DHRSX: variants seen among roughly 807,000 people sequenced by gnomAD.
The protein encoded by DHRSX is dehydrogenase/reductase X-linked.
In DHRSX, 31 loss-of-function variants were observed where a neutral mutation model predicts 34.0. The ratio of observed to expected loss-of-function variants is 0.91; its 90% CI spans 0.69 to 1.23. The LOEUF is 1.23. Among genes scored for constraint, DHRSX ranks in the 50% most tolerant of loss-of-function variants. The pLI, the probability that DHRSX is intolerant of heterozygous loss-of-function variation, is 0.00. For missense variants in DHRSX, 414 were observed against 428.1 expected (o/e 0.97, Z 0.29); for synonymous variants, 201 against 183.8 (o/e 1.09, Z -0.76).
intron 3 of DHRSX, among the ~76,000 whole-genome samples, chrX:2,321,701 TTC>T (rs1469719298): frequency 6.6e-6 from 1 of 151,866 alleles, no homozygotes; most frequent in Non-Finnish European, 1.5e-5. Context: ...AGAAATAAAT[TTC>T]TGTTATTTAT....
chrX:2,257,706 A>C (rs1253004940), intron 5 of DHRSX, among the ~76,000 whole-genome samples: 1 of 151,764 alleles, frequency 6.6e-6, no homozygotes, highest in Non-Finnish European at 1.5e-5. Flanking sequence ...GCTCACTGCA[A>C]CCTCCGCCTC....
chrX:2,331,437 T>TTTTTTG (rs2042472951), intron 3 of DHRSX, among the ~76,000 whole-genome samples: 1 of 33,618 alleles, frequency 3.0e-5, no homozygotes, highest in Non-Finnish European at 6.4e-5. Flanking sequence ...GGTTTTTTGG[T>TTTTTTG]TTTTTTTTTT....
In DHRSX at chrX:2,392,768, A is replaced by AAATG. The variant is rs55898098; in HGVS notation, c.286+15976_286+15977insCATT. Among the ~76,000 whole-genome samples, 331 of 140,294 alleles carry AAATG rather than the reference A, an allele frequency of 2.4e-3. 6 individuals are homozygous for AAATG. In the East Asian group the frequency reaches 0.054, roughly 23 times the overall value. The allele number at this position is 140,294 out of a possible 152,430, so 92.0% of individuals were successfully genotyped here. A position where few individuals can be genotyped will look rare whatever the true frequency, so the allele number is the denominator to read the frequency against. ...TGATATAAAAATATATACTAAATATATATACTATTTATAGAATAGCATAAA... is the reference window on the plus strand; with the variant it reads ...TGATATAAAAATATATACTAAATATAAATGTATACTATTTATAGAATAGCATAAA... On this transcript the variant is annotated intron_variant, in intron 3 of 6. Coordinates refer to ENST00000334651, the MANE Select transcript of DHRSX (RefSeq NM_145177.3).
Position 2,496,144 on chromosome X carries a change from G to GT in DHRSX, c.109+4672dup, listed in dbSNP as rs745519832. Among the ~76,000 whole-genome samples, 21 of 152,318 alleles carry GT rather than the reference G, an allele frequency of 1.4e-4. 1 individual carries two copies. The highest frequency in any genetic ancestry group is 7.8e-4 in the Admixed American group (12 of 15,302). On this transcript the variant is annotated intron_variant, in intron 1 of 6. Coordinates refer to ENST00000334651, the MANE Select transcript of DHRSX (RefSeq NM_145177.3). The stretch of plus-strand genomic sequence containing the variant: ...CAGCGTGGTGGCGATAGTTAATAGT[G>GT]TATTACATATTTCAAAATAGCTAAA...
chrX:2,346,226 C>T (rs779033002), intron 3 of DHRSX, among the ~76,000 whole-genome samples: 18 of 128,624 alleles, frequency 1.4e-4, no homozygotes, highest in Admixed American at 8.1e-4. Context: ...CATCTGGACA[C>T]GCAGCTACAG....
chrX:2,285,177 T>C (rs962770505), intron 4 of DHRSX, among the ~76,000 whole-genome samples: 5 of 152,182 alleles, frequency 3.3e-5, no homozygotes, highest in African/African-American at 9.7e-5. Context: ...ATGACATTTA[T>C]TGTACACTTT....
intron 1 of DHRSX, among the ~76,000 whole-genome samples, chrX:2,496,889 T>C (rs1014032047): frequency 4.0e-5 from 6 of 148,920 alleles, no homozygotes; most frequent in African/African-American, 1.5e-4. Context: ...AATATATATA[T>C]TTAATAAAAA....
intron 1 of DHRSX, chrX:2,489,682 C>T (rs1378939062): frequency 1.2e-6 from 2 of 1,612,698 alleles, no homozygotes; most frequent in Non-Finnish European, 1.7e-6. Flanking sequence ...GGTTGCTCAC[C>T]AGCATGCAGT....
chrX:2,324,250 G>T (rs2042349041), intron 3 of DHRSX, among the ~76,000 whole-genome samples: 1 of 152,088 alleles, frequency 6.6e-6, no homozygotes, highest in Non-Finnish European at 1.5e-5. Context: ...ACGCATGCAT[G>T]TGGAATCCAA....
intron 3 of DHRSX, 89 bp downstream of exon 3, chrX:2,408,656 G>A (rs1355760729): frequency 4.2e-6 from 5 of 1,176,880 alleles, no homozygotes; most frequent in Admixed American, 2.4e-5. Context: ...CACCTGGCAC[G>A]TGACTGAAGC....
intron 3 of DHRSX, among the ~76,000 whole-genome samples, chrX:2,368,253 A>AG (rs1327262723): frequency 6.6e-6 from 1 of 151,772 alleles, no homozygotes; most frequent in Non-Finnish European, 1.5e-5. Context: ...AAAAAAAAAA[A>AG]AAAGAAAAAA....
Position 2,269,693 on chromosome X carries a change from C to A in DHRSX, c.389-2746G>T, listed in dbSNP as rs771992066. Among the ~76,000 whole-genome samples the A allele has an allele frequency of 1.6e-3, 247 of 152,264 alleles. 2 individuals are homozygous for A. The highest frequency in any genetic ancestry group is 5.5e-3 in the African/African-American group (230 of 41,554). ...CTGGGATTACAGGCACCCACCACCA[C>A]ACGTGGCTAAATTTTTCTGTATTTT... On this transcript the variant is annotated intron_variant, in intron 4 of 6. Coordinates refer to ENST00000334651, the MANE Select transcript of DHRSX (RefSeq NM_145177.3).
intron 1 of DHRSX, among the ~76,000 whole-genome samples, chrX:2,470,456 C>G (rs985565936): frequency 1.3e-5 from 2 of 151,774 alleles, no homozygotes; most frequent in African/African-American, 4.8e-5. Flanking sequence ...ACCTGTAGTC[C>G]CAGCTACTTG....
intron 1 of DHRSX, among the ~76,000 whole-genome samples, chrX:2,461,778 C>A (rs1442578039): frequency 6.6e-6 from 1 of 152,170 alleles, no homozygotes; most frequent in Non-Finnish European, 1.5e-5. Flanking sequence ...CAGCTCACTG[C>A]AGCCTCCAAC....
At chrX:2,464,081 T>C (rs757233410) in intron 1 of DHRSX, among the ~76,000 whole-genome samples, 14 of 152,306 alleles carry the variant, frequency 9.2e-5, no homozygotes, top group African/African-American at 2.9e-4. Context: ...CACCGCCATG[T>C]ACACACTGAA....
At position 2,320,895 on chromosome X, in the gene DHRSX, C is replaced by T. The variant is rs2042303528; in HGVS notation, c.287-29292G>A. 5.9e-5 allele frequency among the ~76,000 whole-genome samples: 9 copies of T among 152,174 alleles called. 1 individual carries two copies. The Middle Eastern group carries it at 0.017, about 288-fold the overall frequency. ...ACAGCAGCCATGACGTGTCGGTCCA[C>T]GTACAGCCTGTCTGCCTGAGGGCTC... On this transcript the variant is annotated intron_variant, in intron 3 of 6. Transcript: ENST00000334651.
intron 4 of DHRSX, among the ~76,000 whole-genome samples, chrX:2,269,866 T>C: frequency 6.6e-6 from 1 of 152,200 alleles, no homozygotes; most frequent in East Asian, 1.9e-4. Flanking sequence ...TGGAGATATG[T>C]ATATATCTAT....
intron 6 of DHRSX, among the ~76,000 whole-genome samples, chrX:2,232,335 C>CAACAAT (rs1351138254): frequency 1.3e-5 from 2 of 151,708 alleles, no homozygotes; most frequent in African/African-American, 4.8e-5. Flanking sequence ...GTTTTGAAAA[C>CAACAAT]AACAACAACT....
At chrX:2,490,800 T>A (rs1411946380) in intron 1 of DHRSX, 1 of 1,541,794 alleles carries the variant, frequency 6.5e-7, no homozygotes, top group African/African-American at 1.4e-5. Context: ...AAACACAGCA[T>A]GAGAAGGGAC....
Sources: allele counts gnomAD v4.1 joint callset (sites outside exome capture counted in the v4.1 genomes callset), GRCh38; gene constraint gnomAD v4.1.1; transcripts MANE v1.5; gene names NCBI Gene and HGNC (gene_info 2026-07-23, HGNC 2026-07-21).